The following GYS2 variants were observed in gnomAD, a reference collection of about 807,000 sequenced individuals.
GYS2 encodes the protein glycogen synthase 2, also known as glycogen [starch] synthase, liver.
A neutral mutation model predicts 85.6 loss-of-function variants in GYS2; 80 were observed. The observed-to-expected ratio is 0.93, with a 90% CI of 0.78 to 1.13. The LOEUF is 1.13. Ranked by LOEUF, GYS2 falls within the 50% of genes most tolerant of loss-of-function variation. GYS2 has a pLI of 0.00. For missense variants in GYS2, 881 were observed against 854.9 expected, an observed-to-expected ratio of 1.03 and a Z score of -0.38; for synonymous variants, 328 against 300.7, an observed-to-expected ratio of 1.09 and a Z score of -0.94.
intron 1 of GYS2, among the ~76,000 whole-genome samples, chr12:21,589,089 T>G (rs1461106065): frequency 6.6e-6 from 1 of 152,226 alleles, no homozygotes; most frequent in Non-Finnish European, 1.5e-5. Flanking sequence ...GATGTTTTAT[T>G]TACATTTTTT....
chr12:21,560,025 G>T (rs1207402558), intron 8 of GYS2, among the ~76,000 whole-genome samples: 1 of 152,096 alleles, frequency 6.6e-6, no homozygotes, highest in Non-Finnish European at 1.5e-5. Context: ...ACGGGAATTC[G>T]TTGATCATTG....
chr12:21,534,952 A>G (rs923535226), downstream of GYS2: 1 of 152,198 alleles, frequency 6.6e-6, no homozygotes, highest in African/African-American at 2.4e-5. Context: ...GCCTTCTACT[A>G]AAAATCATAT....
intron 1 of GYS2, among the ~76,000 whole-genome samples, chr12:21,599,814 C>T (rs935350029): frequency 1.2e-4 from 18 of 152,152 alleles, no homozygotes; most frequent in African/African-American, 4.3e-4. Context: ...TATGACAATA[C>T]ATGAGCTAAC....
At chr12:21,570,050 T>G (rs1944368023) in intron 4 of GYS2, among the ~76,000 whole-genome samples, 1 of 152,156 alleles carries the variant, frequency 6.6e-6, no homozygotes, top group South Asian at 2.1e-4. Flanking sequence ...TATCAAGAAG[T>G]TAGTCCCAAT....
At chr12:21,549,423 C>T (rs1316340022) in intron 11 of GYS2, among the ~76,000 whole-genome samples, 3 of 152,180 alleles carry the variant, frequency 2.0e-5, no homozygotes, top group South Asian at 2.1e-4. Flanking sequence ...TAATCTTACA[C>T]AAACATAAAA....
chr12:21,537,400 A>G, intron 15 of GYS2: 1 of 561,180 alleles, frequency 1.8e-6, no homozygotes, highest in Non-Finnish European at 3.2e-6. Flanking sequence ...TAAGTGTTAT[A>G]TACATATTAT....
chr12:21,577,282 A>C (rs956090021), intron 2 of GYS2, among the ~76,000 whole-genome samples: 2 of 152,210 alleles, frequency 1.3e-5, no homozygotes, highest in African/African-American at 4.8e-5. Flanking sequence ...ATAACATGTA[A>C]TATTACTATA....
chr12:21,536,586 G>C lies in GYS2; in HGVS notation c.*368C>G, dbSNP rs1023796863. On this transcript the variant is annotated 3_prime_UTR_variant, in exon 16 of 16. Transcript: ENST00000261195. ...CGGGGGGGAAATGGGAAATTTGTGT[G>C]GTGGGGTAGAGAAGCTGCATAAATA... is the stretch of plus-strand genomic sequence containing the variant. 1 of 239,392 alleles carries C rather than the reference G, an allele frequency of 4.2e-6. No individual in the cohort carries two copies. Among genetic ancestry groups the C allele is most frequent in the Admixed American group, 5.2e-5 (1 of 19,212 alleles). The allele number at this position is 239,392 out of a possible 1,614,324, so 14.8% of individuals were successfully genotyped here.
At chr12:21,601,428 C>T (rs2136939017) in intron 1 of GYS2, among the ~76,000 whole-genome samples, 1 of 152,242 alleles carries the variant, frequency 6.6e-6, no homozygotes, top group Non-Finnish European at 1.5e-5. Context: ...CCCTGCAGGT[C>T]TCTCCCATCT....
rs142656537 is a variant in GYS2, at chr12:21,537,061, C to G, written c.2005G>C (p.Asp669His). The G allele has an allele frequency of 6.2e-7, 1 of 1,613,862 alleles. No individual in the cohort carries two copies. The highest frequency in any genetic ancestry group is 8.5e-7 in the Non-Finnish European group (1 of 1,179,818). ...VEDEVEDERY[D>H]EEEEAERDRL... Reference sequence around the variant, plus strand: ...TCCCTTTCAGCCTCCTCTTCCTCATCGTATCTCTCATCCTCCACTTCATCT... The same window carrying G: ...TCCCTTTCAGCCTCCTCTTCCTCATGGTATCTCTCATCCTCCACTTCATCT... Residue 669 changes from aspartate (D) to histidine (H), a missense_variant, in exon 16 of 16, where the codon GAT becomes CAT. Coordinates refer to ENST00000261195, the MANE Select transcript of GYS2 (RefSeq NM_021957.4).
chr12:21,588,429 A>G (rs950516136), intron 1 of GYS2, among the ~76,000 whole-genome samples: 3 of 152,244 alleles, frequency 2.0e-5, no homozygotes, highest in Admixed American at 2.0e-4. Flanking sequence ...GAGACACAAA[A>G]GGCAAATGTT....
intron 1 of GYS2, among the ~76,000 whole-genome samples, chr12:21,587,672 A>G (rs776181522): frequency 4.6e-5 from 7 of 152,142 alleles, no homozygotes; most frequent in Non-Finnish European, 7.3e-5. Context: ...ATGTCTTTAT[A>G]AGCAGCATGA....
chr12:21,590,409 CTGATGATGGGCCTACCCAAT>C (rs1400089565), intron 1 of GYS2, among the ~76,000 whole-genome samples: 1 of 152,220 alleles, frequency 6.6e-6, no homozygotes, highest in Non-Finnish European at 1.5e-5. Context: ...TCCCAGAAGC[CTGATGATGGGCCTACCCAAT>C]CTGCCACTGC....
intron 5 of GYS2, 48 bp from the exon 6 acceptor site, chr12:21,563,393 G>C (rs1167250317): frequency 1.1e-6 from 1 of 951,338 alleles, no homozygotes; most frequent in East Asian, 2.4e-5. Context: ...TTTCAAAGAG[G>C]GTACCATTGT....
chr12:21,578,195 C>T (rs756342945), intron 2 of GYS2, among the ~76,000 whole-genome samples: 23 of 152,200 alleles, frequency 1.5e-4, no homozygotes, highest in Non-Finnish European at 2.5e-4. Context: ...TTTAAGACCT[C>T]CAGTTCCTAT....
chr12:21,578,821 G>T (rs1317628990), intron 2 of GYS2, among the ~76,000 whole-genome samples: 1 of 151,830 alleles, frequency 6.6e-6, no homozygotes, highest in African/African-American at 2.4e-5. Flanking sequence ...CATTTATTCT[G>T]AGCTTTTAGC....
At chr12:21,603,987 T>C (rs528342896) in intron 1 of GYS2, among the ~76,000 whole-genome samples, 9 of 152,220 alleles carry the variant, frequency 5.9e-5, no homozygotes, top group African/African-American at 1.9e-4. Flanking sequence ...TTTGAGAAGC[T>C]CCTGAATTAA....
chr12:21,578,791 C>G (rs1944475145), intron 2 of GYS2, among the ~76,000 whole-genome samples: 2 of 152,024 alleles, frequency 1.3e-5, no homozygotes, highest in African/African-American at 4.8e-5. Flanking sequence ...TTCTCAGCGA[C>G]TTTATTCTCT....
rs754196109 is a variant in GYS2 at position 21,542,574 on chromosome 12, C to A, written c.1567G>T (p.Gly523Cys). 3.1e-6 allele frequency: 5 copies of A among 1,612,126 alleles called. No individual in the cohort carries two copies. Residue 523 changes from glycine (G) to cysteine (C), a missense_variant, in exon 13 of 16, where the codon GGT becomes TGT. Physicochemically the swap from Gly to Cys is radical, Grantham distance 159. Coordinates refer to ENST00000261195, the MANE Select transcript of GYS2 (RefSeq NM_021957.4). ...GYTPAECTVM[G>C]IPSVTTNLSG... ...AGATTCGTGGTCACACTGGGGATAC[C>A]CATCACAGTGCATTCAGCTGCCAGG...
Sources: gnomAD v4.1 joint callset for allele counts (sites outside exome capture counted in the v4.1 genomes callset) on GRCh38, gnomAD v4.1.1 for gene constraint, MANE v1.5 for transcripts, NCBI Gene and HGNC (gene_info 2026-07-23, HGNC 2026-07-21) for gene names.